The following SMYD3 variants were observed in gnomAD, a reference collection of about 807,000 sequenced individuals.
SMYD3 encodes histone-lysine N-methyltransferase SMYD3.
In SMYD3, 36 loss-of-function variants were observed where a neutral mutation model predicts 57.7. That is an observed-to-expected ratio of 0.62 (90% CI 0.48 to 0.82). SMYD3 has a LOEUF of 0.82. SMYD3 is among the 40% of genes least tolerant of loss of function. The probability of loss-of-function intolerance (pLI) is 0.00; values close to 1 mark genes in which losing one functional copy is unlikely to be tolerated. For synonymous variants in SMYD3, 211 were observed against 195.0 expected (o/e 1.08, Z -0.68); for missense variants, 515 against 538.8 (o/e 0.96, Z 0.44).
intron 5 of SMYD3, among the ~76,000 whole-genome samples, chr1:245,995,350 C>T (rs1332146298): frequency 1.3e-5 from 2 of 152,182 alleles, no homozygotes; most frequent in Non-Finnish European, 1.5e-5. Flanking sequence ...TTGTTGATTA[C>T]GACGTCCACC....
chr1:245,870,900 G>T (rs1165962739), intron 8 of SMYD3, among the ~76,000 whole-genome samples: 1 of 152,174 alleles, frequency 6.6e-6, no homozygotes, highest in East Asian at 1.9e-4. Context: ...CACTTAGCTT[G>T]CAAGCGTTTG....
intron 5 of SMYD3, among the ~76,000 whole-genome samples, chr1:246,237,521 T>G (rs1011993330): frequency 3.3e-5 from 5 of 151,654 alleles, no homozygotes; most frequent in Non-Finnish European, 7.4e-5. Flanking sequence ...ATTTTAGTCC[T>G]AATTCTGCCA....
intron 5 of SMYD3, among the ~76,000 whole-genome samples, chr1:246,182,476 T>C (rs1015883536): frequency 2.0e-5 from 3 of 152,102 alleles, no homozygotes; most frequent in African/African-American, 7.2e-5. Context: ...AGTGATAACG[T>C]CACAGGCTCA....
chr1:246,073,857 G>T (rs1183758313), intron 5 of SMYD3, among the ~76,000 whole-genome samples: 1 of 152,120 alleles, frequency 6.6e-6, no homozygotes, highest in East Asian at 1.9e-4. Flanking sequence ...CACAACGCCA[G>T]ATACTACAGA....
chr1:245,876,518 A>G (rs921503124), intron 8 of SMYD3, among the ~76,000 whole-genome samples: 1 of 152,172 alleles, frequency 6.6e-6, no homozygotes, highest in Non-Finnish European at 1.5e-5. Context: ...GCAAGTATTG[A>G]TGGTTTTGCT....
rs1448076843 is a variant in SMYD3 at position 246,155,987 on chromosome 1, C to CA, written c.531+171213dup. On this transcript the variant is annotated intron_variant, in intron 5 of 11. Transcript: ENST00000490107. ...GGGTGACAGAGCGAGACTATGTCTT[C>CA]AAAAAAAAAAAAATATATCGACCTC... is the stretch of plus-strand genomic sequence containing the variant. 9.2e-3 allele frequency among the ~76,000 whole-genome samples: 1,254 copies of CA among 136,320 alleles called. 7 individuals are homozygous for CA. The highest frequency in any genetic ancestry group is 0.019 in the African/African-American group (703 of 37,236). 89.4% of individuals were successfully genotyped at this position (136,320 alleles called of 152,430 possible).
intron 1 of SMYD3, among the ~76,000 whole-genome samples, chr1:246,370,307 A>G (rs1278518757): frequency 3.9e-5 from 6 of 152,234 alleles, no homozygotes; most frequent in African/African-American, 1.4e-4. Context: ...AGAATGAACC[A>G]TAATACAAAA....
At chr1:245,876,156 G>A (rs2052474506) in intron 8 of SMYD3, among the ~76,000 whole-genome samples, 1 of 152,134 alleles carries the variant, frequency 6.6e-6, no homozygotes, top group Non-Finnish European at 1.5e-5. Context: ...ACACATCCCA[G>A]GAATATGCTT....
chr1:246,087,625 A>G (rs1417141060), intron 5 of SMYD3, among the ~76,000 whole-genome samples: 2 of 152,252 alleles, frequency 1.3e-5, no homozygotes, highest in East Asian at 1.9e-4. Context: ...TGTTCTGTCC[A>G]AAACACTTTA....
intron 1 of SMYD3, among the ~76,000 whole-genome samples, chr1:246,391,941 C>T (rs1439672222): frequency 6.6e-6 from 1 of 152,160 alleles, no homozygotes; most frequent in East Asian, 1.9e-4. Context: ...TTGCACTATC[C>T]ATAACACTGA....
intron 5 of SMYD3, among the ~76,000 whole-genome samples, chr1:246,166,229 G>A (rs965288293): frequency 6.6e-6 from 1 of 152,150 alleles, no homozygotes; most frequent in Admixed American, 6.5e-5. Flanking sequence ...TATACTGAAC[G>A]TGAAAAACCC....
At chr1:245,904,787 C>T (rs1224846067) in intron 8 of SMYD3, among the ~76,000 whole-genome samples, 4 of 151,922 alleles carry the variant, frequency 2.6e-5, no homozygotes, top group Non-Finnish European at 5.9e-5. Context: ...CTGGCGTCAC[C>T]CCTCCCCTGG....
rs149548506 is a variant in SMYD3, at chr1:245,768,115, C to T, written c.1077-3966G>A. ...AACATACAAGCAAACTACATAACAA[C>T]AAAATCATTCAACAAGGCAGTTTAC... On this transcript the variant is annotated intron_variant, in intron 10 of 11. Coordinates refer to ENST00000490107, the MANE Select transcript of SMYD3 (RefSeq NM_001167740.2). 7.2e-5 allele frequency among the ~76,000 whole-genome samples: 11 copies of T among 152,242 alleles called. No individual in the cohort carries two copies. The East Asian group carries it at 1.9e-3, about 27-fold the overall frequency.
chr1:245,953,358 GA>G (rs560628732), intron 5 of SMYD3: 4 of 984,498 alleles, frequency 4.1e-6, no homozygotes, highest in Non-Finnish European at 4.9e-6. Flanking sequence ...ATGTAACTCT[GA>G]AAAAAATAAA....
In SMYD3 at chr1:245,837,249, AAAG is replaced by A. The variant is rs540616892; in HGVS notation, c.1076+21244_1076+21246del. Among the ~76,000 whole-genome samples the A allele has an allele frequency of 1.1e-3, 170 of 151,338 alleles. 1 individual carries two copies. The South Asian group carries it at 0.015, about 14-fold the overall frequency. ...TGAGCCTCTGTCTCAAAAAAAAAAA[AAAG>A]AAGAAGAAGAAGAAGGAGAGGAAGA... is the stretch of plus-strand genomic sequence containing the variant. On this transcript the variant is annotated intron_variant, in intron 10 of 11. Transcript: ENST00000490107.
intron 5 of SMYD3, among the ~76,000 whole-genome samples, chr1:246,142,098 G>A (rs566392526): frequency 6.6e-6 from 1 of 152,006 alleles, no homozygotes; most frequent in South Asian, 2.1e-4. Flanking sequence ...CTCTCTTCTC[G>A]ATTCAGTAGT....
At chr1:246,103,495 C>T (rs894752638) in intron 5 of SMYD3, among the ~76,000 whole-genome samples, 1 of 151,938 alleles carries the variant, frequency 6.6e-6, no homozygotes, top group Non-Finnish European at 1.5e-5. Context: ...CTTCCCAAAC[C>T]CCACTCATTC....
At position 245,843,540 on chromosome 1, in the gene SMYD3, ATGTGTGTGTGTGTGTGTG is replaced by A. The variant is rs10531765; in HGVS notation, c.1076+14938_1076+14955del. ...CATATACATGAATGTGTATATATATATGTGTGTGTGTGTGTGTGTGTGTGTGTGTGTGTGTGTGTATGT... is the reference window on the plus strand; with the variant it reads ...CATATACATGAATGTGTATATATATATGTGTGTGTGTGTGTGTGTGTATGT... On this transcript the variant is annotated intron_variant, in intron 10 of 11. Transcript: ENST00000490107. 5.6e-3 allele frequency among the ~76,000 whole-genome samples: 836 copies of A among 149,652 alleles called. 20 individuals are homozygous for A. The highest frequency in any genetic ancestry group is 0.019 in the African/African-American group (780 of 40,830).
intron 10 of SMYD3, among the ~76,000 whole-genome samples, chr1:245,800,810 G>A (rs1016805090): frequency 6.6e-6 from 1 of 152,196 alleles, no homozygotes; most frequent in Non-Finnish European, 1.5e-5. Context: ...GGAAGGATTC[G>A]GGCTGGCTGA....
Sources: allele counts gnomAD v4.1 joint callset (sites outside exome capture counted in the v4.1 genomes callset), GRCh38; gene constraint gnomAD v4.1.1; transcripts MANE v1.5; gene names NCBI Gene and HGNC (gene_info 2026-07-23, HGNC 2026-07-21).